The following HSD11B2 variants were observed in gnomAD, a reference collection of about 807,000 sequenced individuals.
HSD11B2 encodes 11-beta-hydroxysteroid dehydrogenase type 2.
A neutral mutation model predicts 20.9 loss-of-function variants in HSD11B2; 17 were observed. The ratio of observed to expected loss-of-function variants is 0.81; its 90% CI spans 0.56 to 1.22. The LOEUF (loss-of-function observed/expected upper bound fraction) is 1.22. Among genes scored for constraint, HSD11B2 ranks in the 50% most tolerant of loss-of-function variants. HSD11B2 has a pLI of 0.00. For synonymous variants in HSD11B2, 253 were observed against 255.4 expected, an observed-to-expected ratio of 0.99 and a Z score of 0.09; for missense variants, 480 against 563.6, an observed-to-expected ratio of 0.85 and a Z score of 1.50.
At position 67,436,173 on chromosome 16, in the gene HSD11B2, G is replaced by T. The variant is rs532263167; in HGVS notation, c.664+31G>T. 1 of 1,613,698 alleles carries T rather than the reference G, an allele frequency of 6.2e-7. No individual in the cohort carries two copies. The highest frequency in any genetic ancestry group is 8.5e-7 in the Non-Finnish European group (1 of 1,179,854). ...TGCCCCCCCCCACTGGAGCAAAAAG[G>T]AGCCCCCTGGGGTGGGGGAGGGCTT... On this transcript the variant is annotated intron_variant, in intron 3 of 4. Coordinates refer to ENST00000326152, the MANE Select transcript of HSD11B2 (RefSeq NM_000196.4). The surrounding 1 kb of genome is among the most constrained non-coding windows in gnomAD (Gnocchi z 5.7).
Position 67,435,730 on chromosome 16 carries a change from A to G in HSD11B2, c.368A>G (p.Glu123Gly). The G allele has an allele frequency of 1.2e-6, 2 of 1,614,040 alleles. No homozygotes were observed. Among genetic ancestry groups the G allele is most frequent in the Admixed American group, 1.7e-5 (1 of 60,016 alleles). ...GAGTTGAACAGCCCCGGTGCCATCG[A>G]GCTGCGTACCTGCTGCTCCCCTCGC... The part of the protein sequence containing the change: ...VLELNSPGAI[E>G]LRTCCSPRLR... Residue 123 changes from glutamate (E) to glycine (G), a missense_variant, in exon 2 of 5, where the codon GAG (glutamate) becomes GGG (glycine). Physicochemically the swap from Glu to Gly is moderately conservative, Grantham distance 98. Transcript: ENST00000326152.
upstream of HSD11B2, chr16:67,430,601 G>T: frequency 2.0e-5 from 3 of 153,292 alleles, no homozygotes; most frequent in South Asian, 5.5e-4. This position sits in a 1 kb window ranked among gnomAD's most constrained non-coding sequence, Gnocchi z 5.4. Flanking sequence ...TGGCGCAGCC[G>T]ACCACGTGGG....
At chr16:67,435,377 TCTGTAAGC>T (rs1482104572) in intron 1 of HSD11B2, among the ~76,000 whole-genome samples, 1 of 152,128 alleles carries the variant, frequency 6.6e-6, no homozygotes, top group Non-Finnish European at 1.5e-5. Context: ...AGTTTCCTCT[TCTGTAAGC>T]CACATTAGTG....
upstream of HSD11B2, chr16:67,431,110 G>C (rs1331354918): frequency 4.1e-6 from 1 of 242,710 alleles, no homozygotes; most frequent in Non-Finnish European, 6.5e-6. Context: ...CTCGGCCCGA[G>C]GGCGAGCAGA....
chr16:67,431,873 G>A (rs1410752028), intron 1 of HSD11B2, among the ~76,000 whole-genome samples: 1 of 152,160 alleles, frequency 6.6e-6, no homozygotes, highest in Non-Finnish European at 1.5e-5. Context: ...CTTGAGAAGG[G>A]AGGATCGTTA....
At position 67,436,995 on chromosome 16, in the gene HSD11B2, G is replaced by A; in HGVS notation, c.1210G>A (p.Ala404Thr). The A allele has an allele frequency of 6.2e-7, 1 of 1,607,824 alleles. No homozygotes were observed. The change falls in exon 5 of 5, where the codon GCT (alanine) becomes ACT (threonine). Residue 404 changes from alanine (A) to threonine (T), a missense_variant. Ala to Thr is a moderately conservative substitution (Grantham distance 58, BLOSUM62 0). Around this residue, in one of 2 missense-constraint regions of HSD11B2, gnomAD observed 374 missense variants for 480.9 expected, o/e 0.78. Coordinates refer to ENST00000326152, the MANE Select transcript of HSD11B2 (RefSeq NM_000196.4). This position sits in a 1 kb window ranked among gnomAD's most constrained non-coding sequence, Gnocchi z 5.7. ...NLSPGPSPAV[A>T]R ...GAGCCCCGGCCCTTCCCCAGCAGTG[G>A]CTCGGTGAGCCATGTGCACCTATGG...
chr16:67,431,297 G>A lies in HSD11B2; in HGVS notation c.49G>A (p.Ala17Thr). The A allele has an allele frequency of 1.6e-6, 2 of 1,265,252 alleles. No homozygotes were observed. The highest frequency in any genetic ancestry group is 2.0e-6 in the Non-Finnish European group (2 of 995,320). 78.4% of individuals were successfully genotyped at this position (1,265,252 alleles called of 1,614,324 possible). ...PSGGAWLLVA[A>T]RALLQLLRSD... ...GGGCGGCGCCTGGCTGCTCGTGGCT[G>A]CCCGCGCGCTGCTGCAGCTGCTGCG... Residue 17 changes from alanine to threonine, a missense_variant, in exon 1 of 5, where the codon GCC becomes ACC. By Grantham distance (58) the Ala-to-Thr change is moderately conservative. Coordinates refer to ENST00000326152, the MANE Select transcript of HSD11B2 (RefSeq NM_000196.4).
In HSD11B2 at chr16:67,437,103, T is replaced by C; in HGVS notation, c.*100T>C. On this transcript the variant is annotated 3_prime_UTR_variant, in exon 5 of 5. Coordinates refer to ENST00000326152, the MANE Select transcript of HSD11B2 (RefSeq NM_000196.4). ...CAGCATTACGATCCCCCAAGTGTCC[T>C]GGACCCTGGCCTAAAGAATCCCACC... 2 of 1,279,374 alleles carry C rather than the reference T, an allele frequency of 1.6e-6. No homozygotes were observed. Among genetic ancestry groups the C allele is most frequent in the Non-Finnish European group, 1.1e-6 (1 of 925,516 alleles). The allele number at this position is 1,279,374 out of a possible 1,614,324, so 79.3% of individuals were successfully genotyped here. A position where few individuals can be genotyped will look rare whatever the true frequency, so the allele number is the denominator to read the frequency against.
Position 67,433,687 on chromosome 16 carries a change from TACACACAC to T in HSD11B2, c.266-1907_266-1900del, listed in dbSNP as rs759945497. ...AAGTGCACATATGCATGTGTGTGTC[TACACACAC>T]ACACACACACACACACACACACACA... On this transcript the variant is annotated intron_variant, in intron 1 of 4. Transcript: ENST00000326152. 1.6e-3 allele frequency among the ~76,000 whole-genome samples: 208 copies of T among 133,932 alleles called. 1 individual carries two copies. Among genetic ancestry groups the T allele is most frequent in the African/African-American group, 5.4e-3 (167 of 30,900 alleles). 87.9% of individuals were successfully genotyped at this position (133,932 alleles called of 152,430 possible).
At chr16:67,434,867 A>T (rs1238837143) in intron 1 of HSD11B2, among the ~76,000 whole-genome samples, 1 of 152,102 alleles carries the variant, frequency 6.6e-6, no homozygotes, top group African/African-American at 2.4e-5. Context: ...TCTCTACTAA[A>T]AATACAAAAC....
chr16:67,434,854 C>T (rs1346450128), intron 1 of HSD11B2, among the ~76,000 whole-genome samples: 1 of 152,098 alleles, frequency 6.6e-6, no homozygotes, highest in Non-Finnish European at 1.5e-5. Flanking sequence ...TGGTGAAACC[C>T]CGTCTCTACT....
At chr16:67,430,096 C>T (rs72649074), upstream of HSD11B2, among the ~76,000 whole-genome samples, 147 of 148,492 alleles carry the variant, frequency 9.9e-4, no homozygotes, top group African/African-American at 3.5e-3. This position sits in a 1 kb window ranked among gnomAD's most constrained non-coding sequence, Gnocchi z 5.4. Context: ...CCTGGCAGAG[C>T]CCTGGCATGG....
chr16:67,434,855 C>T (rs2040957950), intron 1 of HSD11B2, among the ~76,000 whole-genome samples: 2 of 152,092 alleles, frequency 1.3e-5, no homozygotes, highest in Admixed American at 6.6e-5. Flanking sequence ...GGTGAAACCC[C>T]GTCTCTACTA....
In HSD11B2 at chr16:67,431,513, G is replaced by A; in HGVS notation, c.265G>A (p.Gly89Ser). The A allele has an allele frequency of 7.2e-7, 1 of 1,393,268 alleles. No homozygotes were observed. The highest frequency in any genetic ancestry group is 9.3e-7 in the Non-Finnish European group (1 of 1,071,780). The allele number at this position is 1,393,268 out of a possible 1,614,324, so 86.3% of individuals were successfully genotyped here. A position where few individuals can be genotyped will look rare whatever the true frequency, so the allele number is the denominator to read the frequency against. ...GGCCACTCGCGCGGTGCTCATCACC[G>A]GTGAGTGCGCGGGTCGCGGAGCGCG... ...PVATRAVLIT[G>S]CDSGFGKETA... The change falls in exon 1 of 5, where the codon GGC becomes AGC. Residue 89 changes from glycine to serine, a missense_variant and splice_region_variant. Physicochemically the swap from Gly to Ser is moderately conservative, Grantham distance 56. Coordinates refer to ENST00000326152, the MANE Select transcript of HSD11B2 (RefSeq NM_000196.4).
chr16:67,431,222 C>T lies in HSD11B2; in HGVS notation c.-27C>T, dbSNP rs2040930089. 2 of 1,166,526 alleles carry T rather than the reference C, an allele frequency of 1.7e-6. No homozygotes were observed. Among genetic ancestry groups the T allele is most frequent in the South Asian group, 3.5e-5 (1 of 28,188 alleles). 72.3% of individuals were successfully genotyped at this position (1,166,526 alleles called of 1,614,324 possible). On this transcript the variant is annotated 5_prime_UTR_variant, in exon 1 of 5. Coordinates refer to ENST00000326152, the MANE Select transcript of HSD11B2 (RefSeq NM_000196.4). Reference sequence around the variant, plus strand: ...CCGCTCCCCGGCCCGGCCCCCGCCCCGCCCCGCCCCAGCCCGCTGGGCCGC... The same window carrying T: ...CCGCTCCCCGGCCCGGCCCCCGCCCTGCCCCGCCCCAGCCCGCTGGGCCGC...
At chr16:67,435,604 C>T (rs1158412728) in intron 1 of HSD11B2, 24 bp from the exon 2 acceptor site, 8 of 1,599,590 alleles carry the variant, frequency 5.0e-6, no homozygotes, top group Non-Finnish European at 6.8e-6. Context: ...AGTGGAAGTT[C>T]ACTGACTGCC....
In HSD11B2 at chr16:67,436,023, T is replaced by C. The variant is rs1378182077; in HGVS notation, c.545T>C (p.Val182Ala). The C allele has an allele frequency of 3.7e-6, 6 of 1,614,100 alleles. No individual in the cohort carries two copies. The Admixed American group carries it at 5.0e-5, about 13-fold the overall frequency. Residue 182 changes from valine (V) to alanine (A), a missense_variant, in exon 3 of 5, where the codon GTG becomes GCG. Coordinates refer to ENST00000326152, the MANE Select transcript of HSD11B2 (RefSeq NM_000196.4). The surrounding 1 kb of genome is among the most constrained non-coding windows in gnomAD (Gnocchi z 5.7). ...EVVADAELSP[V>A]ATFRSCMEVN... ...GTTGCTGATGCGGAGCTGTCTCCAG[T>C]GGCCACTTTCCGTAGCTGCATGGAG...
Position 67,436,195 on chromosome 16 carries a change from G to A in HSD11B2, c.664+53G>A. On this transcript the variant is annotated intron_variant, in intron 3 of 4. Coordinates refer to ENST00000326152, the MANE Select transcript of HSD11B2 (RefSeq NM_000196.4). The surrounding 1 kb of genome is among the most constrained non-coding windows in gnomAD (Gnocchi z 5.7). ...AAGGAGCCCCCTGGGGTGGGGGAGGGCTTAGGGAGCCCCTTGCCAAAGCTG... is the reference window on the plus strand; with the variant it reads ...AAGGAGCCCCCTGGGGTGGGGGAGGACTTAGGGAGCCCCTTGCCAAAGCTG... The A allele has an allele frequency of 6.2e-7, 1 of 1,613,846 alleles. No individual in the cohort carries two copies. Among genetic ancestry groups the A allele is most frequent in the South Asian group, 1.1e-5 (1 of 91,080 alleles).
chr16:67,437,114 C>T lies in HSD11B2; in HGVS notation c.*111C>T. On this transcript the variant is annotated 3_prime_UTR_variant, in exon 5 of 5. Transcript: ENST00000326152. Reference sequence around the variant, plus strand: ...TCCCCCAAGTGTCCTGGACCCTGGCCTAAAGAATCCCACCCCCACTTCATG... The same window carrying T: ...TCCCCCAAGTGTCCTGGACCCTGGCTTAAAGAATCCCACCCCCACTTCATG... 1 of 1,170,274 alleles carries T rather than the reference C, an allele frequency of 8.5e-7. No homozygotes were observed. The highest frequency in any genetic ancestry group is 1.2e-6 in the Non-Finnish European group (1 of 833,216). 72.5% of individuals were successfully genotyped at this position (1,170,274 alleles called of 1,614,324 possible). A position where few individuals can be genotyped will look rare whatever the true frequency, so the allele number is the denominator to read the frequency against.
Sources: gnomAD v4.1 joint callset for allele counts (sites outside exome capture counted in the v4.1 genomes callset) on GRCh38, gnomAD v4.1.1 for gene constraint, gnomAD v4.1.1 regional missense constraint, Gnocchi (gnomAD v3.1) non-coding constraint, MANE v1.5 for transcripts, NCBI Gene and HGNC (gene_info 2026-07-23, HGNC 2026-07-21) for gene names.